Variants in EML4 observed in about 807,000 individuals in gnomAD.
EML4 encodes the protein echinoderm microtubule-associated protein-like 4.
In EML4, 72 loss-of-function variants were observed where a neutral mutation model predicts 129.0. That is an observed-to-expected ratio of 0.56 (90% CI 0.46 to 0.68). The LOEUF is 0.68. EML4 is among the 30% of genes least tolerant of loss of function. The pLI is 0.00. For missense variants in EML4, 1,363 were observed against 1,190.6 expected (o/e 1.14, Z -2.13); for synonymous variants, 532 against 405.0 (o/e 1.31, Z -3.77).
At chr2:42,308,315 G>A (rs569365541) in intron 17 of EML4, among the ~76,000 whole-genome samples, 1 of 152,216 alleles carries the variant, frequency 6.6e-6, no homozygotes, top group East Asian at 1.9e-4. Context: ...AAACCAGCCT[G>A]GGCAACATGG....
At chr2:42,237,969 G>A (rs933286511) in intron 1 of EML4, among the ~76,000 whole-genome samples, 4 of 152,164 alleles carry the variant, frequency 2.6e-5, no homozygotes, top group South Asian at 2.1e-4. Flanking sequence ...TGATGGTTAT[G>A]CCAAAAAACA....
chr2:42,203,582 C>T (rs1479123949), intron 1 of EML4, among the ~76,000 whole-genome samples: 2 of 151,532 alleles, frequency 1.3e-5, no homozygotes, highest in African/African-American at 2.4e-5. Context: ...AGTCTGGAAT[C>T]ACAGATTAAT....
At chr2:42,187,168 C>T (rs957423851) in intron 1 of EML4, among the ~76,000 whole-genome samples, 1 of 151,908 alleles carries the variant, frequency 6.6e-6, no homozygotes, top group Non-Finnish European at 1.5e-5. Context: ...TTCAGCCTCC[C>T]AAGTAGCTGG....
intron 17 of EML4, among the ~76,000 whole-genome samples, chr2:42,314,358 TA>T (rs543556949): frequency 1.1e-3 from 168 of 146,104 alleles, no homozygotes; most frequent in Middle Eastern, 3.5e-3. Flanking sequence ...AGCTTCCGTC[TA>T]AAAAAAAAAA....
At chr2:42,240,047 T>A (rs1376429924) in intron 1 of EML4, among the ~76,000 whole-genome samples, 2 of 152,196 alleles carry the variant, frequency 1.3e-5, no homozygotes, top group East Asian at 3.8e-4. Context: ...TCTCAGAGTC[T>A]TAGTTTACTT....
At chr2:42,222,261 CCT>C (rs1343674320) in intron 1 of EML4, among the ~76,000 whole-genome samples, 4 of 151,588 alleles carry the variant, frequency 2.6e-5, no homozygotes, top group East Asian at 1.9e-4. Context: ...CAAGATAACC[CCT>C]GTTAACAGTT....
chr2:42,228,272 G>A (rs1023596684), intron 1 of EML4, among the ~76,000 whole-genome samples: 1 of 151,860 alleles, frequency 6.6e-6, no homozygotes, highest in Non-Finnish European at 1.5e-5. Flanking sequence ...TGCTAAGAGA[G>A]TAGAAAGAAT....
At chr2:42,201,066 C>T (rs2103962019) in intron 1 of EML4, among the ~76,000 whole-genome samples, 1 of 152,140 alleles carries the variant, frequency 6.6e-6, no homozygotes, top group East Asian at 1.9e-4. Context: ...TGAAGGATAC[C>T]TGTATTCTAA....
At chr2:42,188,262 A>T (rs544873814) in intron 1 of EML4, among the ~76,000 whole-genome samples, 1 of 152,286 alleles carries the variant, frequency 6.6e-6, no homozygotes, top group South Asian at 2.1e-4. Context: ...TAAAATTTTT[A>T]TATATTTGAA....
intron 1 of EML4, among the ~76,000 whole-genome samples, chr2:42,243,042 T>C (rs569251349): frequency 3.0e-4 from 46 of 152,278 alleles, no homozygotes; most frequent in African/African-American, 1.0e-3. Flanking sequence ...CCTCCCTAAG[T>C]GCTAGGATTA....
chr2:42,211,202 A>G (rs190485072), intron 1 of EML4, among the ~76,000 whole-genome samples: 50 of 152,314 alleles, frequency 3.3e-4, no homozygotes, highest in African/African-American at 1.2e-3. Context: ...GAAGGGGCAT[A>G]CAGTTGGACT....
intron 13 of EML4, among the ~76,000 whole-genome samples, chr2:42,299,921 G>A (rs936795012): frequency 2.0e-5 from 3 of 152,108 alleles, no homozygotes; most frequent in African/African-American, 7.2e-5. Flanking sequence ...TCTGACCTCA[G>A]GTGATCCACC....
intron 1 of EML4, among the ~76,000 whole-genome samples, chr2:42,177,147 GT>G (rs1223110508): frequency 6.6e-6 from 1 of 152,114 alleles, no homozygotes; most frequent in Non-Finnish European, 1.5e-5. Flanking sequence ...AAACTCTCAT[GT>G]GTCTTTGAAG....
chr2:42,286,584 A>T (rs561513110), intron 10 of EML4, among the ~76,000 whole-genome samples: 4 of 152,202 alleles, frequency 2.6e-5, no homozygotes, highest in Admixed American at 6.5e-5. Context: ...AGGATGCAAG[A>T]TATTTTACTT....
intron 1 of EML4, among the ~76,000 whole-genome samples, chr2:42,171,540 T>G (rs1436805358): frequency 6.6e-6 from 1 of 152,210 alleles, no homozygotes; most frequent in Non-Finnish European, 1.5e-5. Context: ...GACCGAGAGA[T>G]GAAGATGAAT....
chr2:42,214,368 G>T (rs1374050371), intron 1 of EML4, among the ~76,000 whole-genome samples: 3 of 152,096 alleles, frequency 2.0e-5, no homozygotes, highest in East Asian at 3.9e-4. Flanking sequence ...AGGCTAGGCA[G>T]TTATTCCCAA....
intron 17 of EML4, among the ~76,000 whole-genome samples, chr2:42,312,070 G>A (rs1668984116): frequency 6.6e-6 from 1 of 152,090 alleles, no homozygotes; most frequent in Non-Finnish European, 1.5e-5. Context: ...GCTTCAAAGT[G>A]CCAGTTTTCC....
chr2:42,244,689 T>C (rs1439953277), intron 1 of EML4, among the ~76,000 whole-genome samples: 4 of 152,152 alleles, frequency 2.6e-5, no homozygotes, highest in Non-Finnish European at 1.5e-5. Flanking sequence ...GAGAGTATGA[T>C]AGTAAAAAGT....
At chr2:42,261,438 A>G in intron 4 of EML4, 144 bp downstream of exon 4, 1 of 566,424 alleles carries the variant, frequency 1.8e-6, no homozygotes. Flanking sequence ...CTTATAATTT[A>G]TGCTTTATAG....
Sources: allele counts gnomAD v4.1 joint callset (sites outside exome capture counted in the v4.1 genomes callset), GRCh38; gene constraint gnomAD v4.1.1; transcripts MANE v1.5; gene names NCBI Gene and HGNC (gene_info 2026-07-23, HGNC 2026-07-21).